The following FBXW7 variants were observed in gnomAD, a reference collection of about 807,000 sequenced individuals.
FBXW7 encodes F-box/WD repeat-containing protein 7.
A neutral mutation model predicts 86.3 loss-of-function variants in FBXW7; 11 were observed. The ratio of observed to expected loss-of-function variants is 0.13; its 90% CI spans 0.08 to 0.21. The LOEUF is 0.21. Ranked by LOEUF, FBXW7 falls within the 10% of genes least tolerant of loss-of-function variation. The probability of loss-of-function intolerance (pLI) is 1.00; values close to 1 mark genes in which losing one functional copy is unlikely to be tolerated. For missense variants in FBXW7, 488 were observed against 847.4 expected (o/e 0.58, Z 5.27); for synonymous variants, 313 against 297.9 (o/e 1.05, Z -0.52).
In FBXW7 at chr4:152,535,597, G is replaced by C. The variant is rs1216217331; in HGVS notation, c.-683C>G. On this transcript the variant is annotated 5_prime_UTR_variant, in exon 1 of 14. Coordinates refer to ENST00000281708, the MANE Select transcript of FBXW7 (RefSeq NM_001349798.2). ...TGGCCGAGTCGGCGGCAAGGCGAGGGACCCGGCCGGCTCCGCTCGGCGCCG... is the reference window on the plus strand; with the variant it reads ...TGGCCGAGTCGGCGGCAAGGCGAGGCACCCGGCCGGCTCCGCTCGGCGCCG... The C allele has an allele frequency of 2.5e-6, 1 of 397,100 alleles. No individual in the cohort carries two copies. Among genetic ancestry groups the C allele is most frequent in the Non-Finnish European group, 4.4e-6 (1 of 225,062 alleles). 24.6% of individuals were successfully genotyped at this position (397,100 alleles called of 1,614,324 possible). A position where few individuals can be genotyped will look rare whatever the true frequency, so the allele number is the denominator to read the frequency against.
intron 2 of FBXW7, among the ~76,000 whole-genome samples, chr4:152,421,953 A>G (rs1030186165): frequency 2.0e-5 from 3 of 152,188 alleles, no homozygotes; most frequent in Non-Finnish European, 4.4e-5. Flanking sequence ...CATAATAGGT[A>G]TAATAATAAT....
chr4:152,343,441 T>A (rs918047586), intron 6 of FBXW7, among the ~76,000 whole-genome samples: 1 of 152,166 alleles, frequency 6.6e-6, no homozygotes, highest in Non-Finnish European at 1.5e-5. Flanking sequence ...CAGATGTACA[T>A]GTTTTTTCCC....
intron 2 of FBXW7, among the ~76,000 whole-genome samples, chr4:152,425,646 GAA>G (rs956271899): frequency 7.5e-6 from 1 of 133,334 alleles, no homozygotes. Context: ...TTGACATGAA[GAA>G]AAAAAAAAAA....
intron 4 of FBXW7, among the ~76,000 whole-genome samples, chr4:152,360,538 T>C (rs151154521): frequency 6.6e-6 from 1 of 151,882 alleles, no homozygotes; most frequent in East Asian, 1.9e-4. Flanking sequence ...ACTAAGAAAA[T>C]TTTCATCTTG....
intron 4 of FBXW7, among the ~76,000 whole-genome samples, chr4:152,391,410 T>C (rs979075260): frequency 6.6e-6 from 1 of 152,166 alleles, no homozygotes; most frequent in Non-Finnish European, 1.5e-5. Flanking sequence ...TTTCATTCTT[T>C]ACAGTAAGTA....
At chr4:152,390,587 T>C (rs1254925105) in intron 4 of FBXW7, among the ~76,000 whole-genome samples, 1 of 152,148 alleles carries the variant, frequency 6.6e-6, no homozygotes, top group Non-Finnish European at 1.5e-5. Flanking sequence ...TAAAGTAACC[T>C]AATTTTCCAT....
intron 2 of FBXW7, among the ~76,000 whole-genome samples, chr4:152,531,870 T>TAA (rs199583288): frequency 6.9e-6 from 1 of 143,992 alleles, no homozygotes; most frequent in Admixed American, 6.9e-5. Flanking sequence ...ATACCCTATT[T>TAA]AAAAAAAAAA....
chr4:152,499,768 G>C (rs1746741598), intron 2 of FBXW7, among the ~76,000 whole-genome samples: 1 of 152,042 alleles, frequency 6.6e-6, no homozygotes, highest in South Asian at 2.1e-4. Flanking sequence ...ATGTTGCCCA[G>C]GCTGGCCAAC....
chr4:152,473,196 A>G (rs1489575855), intron 2 of FBXW7, among the ~76,000 whole-genome samples: 1 of 152,174 alleles, frequency 6.6e-6, no homozygotes, highest in Non-Finnish European at 1.5e-5. Context: ...GTGAGCAGTG[A>G]CCTGCACTGC....
Position 152,535,250 on chromosome 4 carries a change from G to A in FBXW7, c.-336C>T, listed in dbSNP as rs1382948412. 8.5e-6 allele frequency: 2 copies of A among 234,308 alleles called. No individual in the cohort carries two copies. Among genetic ancestry groups the A allele is most frequent in the Non-Finnish European group, 1.6e-5 (2 of 121,408 alleles). 14.5% of individuals were successfully genotyped at this position (234,308 alleles called of 1,614,324 possible). On this transcript the variant is annotated 5_prime_UTR_variant, in exon 1 of 14. Coordinates refer to ENST00000281708, the MANE Select transcript of FBXW7 (RefSeq NM_001349798.2). ...GTTTTTGTAAAGTTTCCTCTGGGTG[G>A]AGGCTGCGGCCGGCCCCCCGGGTCC...
At chr4:152,326,303 A>C in intron 11 of FBXW7, 72 bp from the exon 12 acceptor site, 2 of 1,238,414 alleles carry the variant, frequency 1.6e-6, no homozygotes, top group Non-Finnish European at 2.3e-6. Context: ...TAATATGAGA[A>C]AACATGGTAG....
intron 2 of FBXW7, among the ~76,000 whole-genome samples, chr4:152,487,892 T>C (rs920410286): frequency 3.9e-5 from 6 of 152,106 alleles, no homozygotes; most frequent in African/African-American, 1.2e-4. Context: ...AACTTTGATT[T>C]AGAAGGTCAC....
chr4:152,518,472 A>G (rs1024771432), intron 2 of FBXW7, among the ~76,000 whole-genome samples: 6 of 151,814 alleles, frequency 4.0e-5, no homozygotes, highest in Non-Finnish European at 7.4e-5. Flanking sequence ...AATTTATTTT[A>G]TTTTTGTAGA....
At chr4:152,418,829 T>C (rs1046050149) in intron 2 of FBXW7, among the ~76,000 whole-genome samples, 2 of 152,258 alleles carry the variant, frequency 1.3e-5, no homozygotes, top group South Asian at 4.1e-4. Context: ...AAAATGAAAT[T>C]AACATGATTT....
At chr4:152,395,497 T>C (rs1736342222) in intron 4 of FBXW7, among the ~76,000 whole-genome samples, 1 of 152,104 alleles carries the variant, frequency 6.6e-6, no homozygotes, top group Non-Finnish European at 1.5e-5. Flanking sequence ...TTCCTACATA[T>C]AGACCACTTC....
chr4:152,490,311 G>A (rs1178943973), intron 2 of FBXW7, among the ~76,000 whole-genome samples: 2 of 152,012 alleles, frequency 1.3e-5, no homozygotes, highest in East Asian at 1.9e-4. Flanking sequence ...TTTAAAAATG[G>A]TTGAAATGTA....
intron 2 of FBXW7, among the ~76,000 whole-genome samples, chr4:152,489,945 T>TA (rs138297219): frequency 2.6e-3 from 397 of 152,150 alleles, no homozygotes; most frequent in African/African-American, 9.1e-3. Flanking sequence ...AAGCATTCTT[T>TA]AAAAAAAGCC....
intron 2 of FBXW7, among the ~76,000 whole-genome samples, chr4:152,465,614 GT>G (rs1260953494): frequency 1.3e-5 from 2 of 152,112 alleles, no homozygotes; most frequent in East Asian, 3.9e-4. Context: ...GGAGGCCAAA[GT>G]GGGTGGATAC....
At chr4:152,471,157 A>G (rs935894367) in intron 2 of FBXW7, among the ~76,000 whole-genome samples, 5 of 150,324 alleles carry the variant, frequency 3.3e-5, no homozygotes, top group Admixed American at 6.7e-5. Context: ...AGTAAAATGA[A>G]TAACATCTAT....
Sources: allele counts gnomAD v4.1 joint callset (sites outside exome capture counted in the v4.1 genomes callset), GRCh38; gene constraint gnomAD v4.1.1; transcripts MANE v1.5; gene names NCBI Gene and HGNC (gene_info 2026-07-23, HGNC 2026-07-21).